The following PHACTR1 variants were observed in gnomAD, a reference collection of about 807,000 sequenced individuals.
The protein encoded by PHACTR1 is phosphatase and actin regulator 1.
A neutral mutation model predicts 69.2 loss-of-function variants in PHACTR1; 16 were observed. The observed-to-expected ratio is 0.23, with a 90% CI of 0.16 to 0.35. The LOEUF (loss-of-function observed/expected upper bound fraction) is 0.35. Ranked by LOEUF, PHACTR1 falls within the 10% of genes least tolerant of loss-of-function variation. The pLI is 1.00. For synonymous variants in PHACTR1, 312 were observed against 284.5 expected (o/e 1.10, Z -0.97); for missense variants, 510 against 734.7 (o/e 0.69, Z 3.54).
intron 4 of PHACTR1, among the ~76,000 whole-genome samples, chr6:12,795,165 G>T (rs376197056): frequency 2.0e-5 from 3 of 152,114 alleles, no homozygotes; most frequent in African/African-American, 7.2e-5. Context: ...ACTTAGAGTA[G>T]CAAGGATCTA....
chr6:13,083,520 A>G (rs1811758983), intron 5 of PHACTR1, among the ~76,000 whole-genome samples: 2 of 150,400 alleles, frequency 1.3e-5, no homozygotes, highest in Admixed American at 1.3e-4. Flanking sequence ...CATTGAATCT[A>G]TAAATTACCT....
chr6:12,969,309 A>G (rs1177409656), intron 4 of PHACTR1, among the ~76,000 whole-genome samples: 2 of 152,246 alleles, frequency 1.3e-5, no homozygotes, highest in African/African-American at 4.8e-5. Flanking sequence ...TGACTTCTCT[A>G]GTAAAAGCCT....
In PHACTR1 at chr6:12,906,216, A is replaced by G. The variant is rs766457773; in HGVS notation, c.251-147149A>G. Among the ~76,000 whole-genome samples the G allele has an allele frequency of 2.0e-5, 3 of 152,184 alleles. No homozygotes were observed. The East Asian group carries it at 5.8e-4, about 29-fold the overall frequency. ...TATATTACTTCTTATGCTCAGTGGC[A>G]TTCGACTATAGAATTACTGCAATCT... On this transcript the variant is annotated intron_variant, in intron 4 of 14. Coordinates refer to ENST00000332995, the MANE Select transcript of PHACTR1 (RefSeq NM_030948.6).
At chr6:12,782,870 A>G (rs1286916042) in intron 4 of PHACTR1, among the ~76,000 whole-genome samples, 2 of 152,218 alleles carry the variant, frequency 1.3e-5, no homozygotes, top group African/African-American at 4.8e-5. Flanking sequence ...CTATCCTGTT[A>G]TGAAATATAT....
At chr6:13,138,276 T>A (rs1240885778) in intron 5 of PHACTR1, among the ~76,000 whole-genome samples, 1 of 152,178 alleles carries the variant, frequency 6.6e-6, no homozygotes, top group Non-Finnish European at 1.5e-5. Flanking sequence ...AAGAGATGGC[T>A]CCCAGGTCTC....
chr6:13,028,632 A>C (rs1172408924), intron 4 of PHACTR1, among the ~76,000 whole-genome samples: 1 of 152,082 alleles, frequency 6.6e-6, no homozygotes, highest in Non-Finnish European at 1.5e-5. Context: ...ACTATTGGGG[A>C]GTGTCAGGTG....
Position 13,206,106 on chromosome 6 carries a change from C to T in PHACTR1, c.956C>T (p.Thr319Met), listed in dbSNP as rs1035523850. ...GCRMIDELNK[T>M]LAMTMQRLES... ...AGAATGATAGACGAGCTCAACAAAA[C>T]GCTGGCCATGACCATGCAGAGGCTG... Residue 319 changes from threonine (T) to methionine (M), a missense_variant, in exon 8 of 15, where the codon ACG (threonine) becomes ATG (methionine). Thr to Met is a moderately conservative substitution (Grantham distance 81). Coordinates refer to ENST00000332995, the MANE Select transcript of PHACTR1 (RefSeq NM_030948.6). 8 of 1,609,512 alleles carry T rather than the reference C, an allele frequency of 5.0e-6. No homozygotes were observed. Among genetic ancestry groups the T allele is most frequent in the Non-Finnish European group, 6.8e-6 (8 of 1,177,658 alleles).
At position 13,209,417 on chromosome 6, in the gene PHACTR1, C is replaced by G. The variant is rs922800602; in HGVS notation, c.986+3281C>G. Among the ~76,000 whole-genome samples, 5 of 152,334 alleles carry G rather than the reference C, an allele frequency of 3.3e-5. No homozygotes were observed. In the East Asian group the frequency reaches 9.6e-4, roughly 29 times the overall value. ...CTCTGCAAGAAGGGAGAGGCATTAC[C>G]AAACACTCAGGCATCCTGCCTTTAA... On this transcript the variant is annotated intron_variant, in intron 8 of 14. Coordinates refer to ENST00000332995, the MANE Select transcript of PHACTR1 (RefSeq NM_030948.6).
chr6:13,268,281 A>T (rs1439319264), intron 10 of PHACTR1, among the ~76,000 whole-genome samples: 1 of 152,166 alleles, frequency 6.6e-6, no homozygotes, highest in Non-Finnish European at 1.5e-5. Flanking sequence ...AAGAGAAAAA[A>T]GTGTAACCTC....
chr6:12,928,868 T>C lies in PHACTR1; in HGVS notation c.251-124497T>C, dbSNP rs548420020. Among the ~76,000 whole-genome samples, 303 of 152,188 alleles carry C rather than the reference T, an allele frequency of 2.0e-3. 1 individual carries two copies. Among genetic ancestry groups the C allele is most frequent in the African/African-American group, 6.7e-3 (277 of 41,532 alleles). ...AGGCAGGACTAAAGAAAGGTAACACTGAGGAAGGATACATGAGTCTCGAAG... is the reference window on the plus strand; with the variant it reads ...AGGCAGGACTAAAGAAAGGTAACACCGAGGAAGGATACATGAGTCTCGAAG... On this transcript the variant is annotated intron_variant, in intron 4 of 14. Coordinates refer to ENST00000332995, the MANE Select transcript of PHACTR1 (RefSeq NM_030948.6).
intron 4 of PHACTR1, among the ~76,000 whole-genome samples, chr6:13,034,577 T>A (rs1803006518): frequency 6.6e-6 from 1 of 152,184 alleles, no homozygotes; most frequent in Non-Finnish European, 1.5e-5. Context: ...GTTCTGCAGA[T>A]AATTAAAAGA....
intron 3 of PHACTR1, among the ~76,000 whole-genome samples, chr6:12,734,134 C>CCTGACAACGAA (rs1255491163): frequency 2.0e-5 from 3 of 152,162 alleles, no homozygotes; most frequent in African/African-American, 7.2e-5. Context: ...TTCCCGCCTA[C>CCTGACAACGAA]CATTTGTCAG....
intron 4 of PHACTR1, among the ~76,000 whole-genome samples, chr6:12,752,496 A>G (rs918054122): frequency 1.3e-5 from 2 of 152,206 alleles, no homozygotes; most frequent in Non-Finnish European, 2.9e-5. Flanking sequence ...TTATTGGCTT[A>G]AACTATTTAT....
At chr6:13,196,530 C>T (rs1764463865) in intron 7 of PHACTR1, 1 of 166,528 alleles carries the variant, frequency 6.0e-6, no homozygotes, top group South Asian at 1.1e-4. Flanking sequence ...AAGCGATTCT[C>T]CTGCCTCAGC....
intron 4 of PHACTR1, among the ~76,000 whole-genome samples, chr6:13,005,762 C>T (rs1031150408): frequency 6.6e-6 from 1 of 152,104 alleles, no homozygotes; most frequent in Non-Finnish European, 1.5e-5. Context: ...TCATATTTCC[C>T]ATGGAAGAAA....
chr6:13,190,785 G>A (rs937813487), intron 7 of PHACTR1, among the ~76,000 whole-genome samples: 1 of 150,290 alleles, frequency 6.7e-6, no homozygotes, highest in Non-Finnish European at 1.5e-5. Context: ...ACAGTGGTTA[G>A]AATTCAAAAT....
At chr6:13,007,613 A>G (rs546959414) in intron 4 of PHACTR1, among the ~76,000 whole-genome samples, 2 of 151,374 alleles carry the variant, frequency 1.3e-5, no homozygotes, top group South Asian at 4.2e-4. Flanking sequence ...TGTCATGTCC[A>G]CAACGATGAT....
intron 3 of PHACTR1, among the ~76,000 whole-genome samples, chr6:12,728,940 G>C (rs1440811531): frequency 6.6e-6 from 1 of 152,130 alleles, no homozygotes; most frequent in African/African-American, 2.4e-5. Flanking sequence ...TACATAAAAA[G>C]TCATATAGGA....
At chr6:13,133,864 G>A (rs1422773864) in intron 5 of PHACTR1, among the ~76,000 whole-genome samples, 3 of 151,006 alleles carry the variant, frequency 2.0e-5, no homozygotes, top group East Asian at 2.0e-4. Context: ...GCCTCTTCCC[G>A]GCCGCCATCC....
Sources: allele counts gnomAD v4.1 joint callset (sites outside exome capture counted in the v4.1 genomes callset), GRCh38; gene constraint gnomAD v4.1.1; transcripts MANE v1.5; gene names NCBI Gene and HGNC (gene_info 2026-07-23, HGNC 2026-07-21).